Variants in PHLPP1 observed in about 807,000 individuals in gnomAD.
The protein encoded by PHLPP1 is PH domain leucine-rich repeat-containing protein phosphatase 1.
Under a neutral mutation model 117.2 loss-of-function variants are expected in PHLPP1, and 42 were observed. That is an observed-to-expected ratio of 0.36 (90% confidence interval 0.28 to 0.46). The LOEUF (loss-of-function observed/expected upper bound fraction) is 0.46, where lower values mean the gene tolerates loss of function less well. PHLPP1 is among the 20% of genes least tolerant of loss of function. The pLI, the probability that PHLPP1 is intolerant of heterozygous loss-of-function variation, is 1.00. For synonymous variants in PHLPP1, 1,042 were observed against 970.7 expected (o/e 1.07, Z -1.37); for missense variants, 2,084 against 2,241.9 (o/e 0.93, Z 1.42).
intron 1 of PHLPP1, among the ~76,000 whole-genome samples, chr18:62,729,395 T>C (rs1203794609): frequency 6.6e-6 from 1 of 152,138 alleles, no homozygotes; most frequent in African/African-American, 2.4e-5. Context: ...CCGGACCCAT[T>C]GCTGTAAAAT....
At chr18:62,821,756 CTT>C (rs1341176509) in intron 1 of PHLPP1, among the ~76,000 whole-genome samples, 10 of 141,462 alleles carry the variant, frequency 7.1e-5, no homozygotes, top group Non-Finnish European at 9.3e-5. Flanking sequence ...AATGTATGTT[CTT>C]TTTTTTTTTT....
chr18:62,750,438 T>C (rs1911810843), intron 1 of PHLPP1, among the ~76,000 whole-genome samples: 1 of 152,196 alleles, frequency 6.6e-6, no homozygotes. Context: ...ATCAGACTTG[T>C]TGCTCTGTGA....
chr18:62,776,982 A>G (rs1044541174), intron 1 of PHLPP1, among the ~76,000 whole-genome samples: 1 of 152,118 alleles, frequency 6.6e-6, no homozygotes, highest in African/African-American at 2.4e-5. Context: ...CACTTGGGCT[A>G]TTTCTAGTTT....
intron 1 of PHLPP1, among the ~76,000 whole-genome samples, chr18:62,784,224 G>T (rs561708092): frequency 1.3e-5 from 2 of 152,310 alleles, no homozygotes; most frequent in East Asian, 3.9e-4. Context: ...CAAATAGAGG[G>T]ATTACTTTGA....
chr18:62,931,814 G>C (rs77531462), intron 10 of PHLPP1, among the ~76,000 whole-genome samples: 1 of 143,606 alleles, frequency 7.0e-6, no homozygotes. Flanking sequence ...AGAACTGCTT[G>C]AATCCGGGAG....
Position 62,766,254 on chromosome 18 carries a change from A to T in PHLPP1, c.1576+48995A>T, listed in dbSNP as rs184485159. ...TCAGCCTGGCTTTGGGGGCAACTTG[A>T]GGTTCCTTGGTGCTGCATTTTGGGG... On this transcript the variant is annotated intron_variant, in intron 1 of 16. Coordinates refer to ENST00000262719, the MANE Select transcript of PHLPP1 (RefSeq NM_194449.4). Among the ~76,000 whole-genome samples the T allele has an allele frequency of 2.0e-5, 3 of 149,854 alleles. No individual in the cohort carries two copies. The East Asian group carries it at 5.9e-4, about 30-fold the overall frequency.
chr18:62,859,188 A>C (rs1696761666), intron 3 of PHLPP1, among the ~76,000 whole-genome samples: 1 of 152,242 alleles, frequency 6.6e-6, no homozygotes, highest in Non-Finnish European at 1.5e-5. Flanking sequence ...AATTAACCAA[A>C]GTTTTAGAAC....
intron 6 of PHLPP1, 79 bp from the exon 7 acceptor site, chr18:62,902,885 G>A (rs753746845): frequency 1.2e-5 from 10 of 844,086 alleles, no homozygotes; most frequent in Middle Eastern, 2.2e-4. Context: ...GTTCTTTCTC[G>A]CTATTTCTCA....
intron 1 of PHLPP1, among the ~76,000 whole-genome samples, chr18:62,815,032 A>T (rs931457385): frequency 6.6e-6 from 1 of 152,176 alleles, no homozygotes; most frequent in Non-Finnish European, 1.5e-5. Flanking sequence ...TCAGGAATGC[A>T]GGAGTTTCAG....
chr18:62,785,432 A>G (rs1305914044), intron 1 of PHLPP1, among the ~76,000 whole-genome samples: 3 of 152,160 alleles, frequency 2.0e-5, no homozygotes, highest in Admixed American at 2.0e-4. Context: ...TGAAATAGAG[A>G]AATAAGGCTG....
intron 2 of PHLPP1, among the ~76,000 whole-genome samples, chr18:62,834,244 G>A (rs7229739): frequency 4.7e-4 from 71 of 152,046 alleles, no homozygotes; most frequent in African/African-American, 1.6e-3. Context: ...ATGTTTGGAT[G>A]CAGAAGTGAC....
At position 62,873,057 on chromosome 18, in the gene PHLPP1, G is replaced by A. The variant is rs183376966; in HGVS notation, c.2066+12456G>A. Among the ~76,000 whole-genome samples the A allele has an allele frequency of 3.3e-4, 50 of 151,462 alleles. 1 individual carries two copies. The East Asian group carries it at 9.5e-3, about 29-fold the overall frequency. On this transcript the variant is annotated intron_variant, in intron 4 of 16. Transcript: ENST00000262719. ...TTTTTACACCTGCTGTTTTTCAAGTGCGTTTGGCCCAGTATAATCCTTATG... is the reference window on the plus strand; with the variant it reads ...TTTTTACACCTGCTGTTTTTCAAGTACGTTTGGCCCAGTATAATCCTTATG...
intron 1 of PHLPP1, among the ~76,000 whole-genome samples, chr18:62,795,511 A>AAAC (rs1568119824): frequency 7.9e-5 from 12 of 151,368 alleles, no homozygotes; most frequent in South Asian, 2.1e-4. Context: ...AAAAAAAAAA[A>AAAC]AACAACAACA....
intron 4 of PHLPP1, among the ~76,000 whole-genome samples, chr18:62,893,990 T>C (rs1916489844): frequency 6.6e-6 from 1 of 152,058 alleles, no homozygotes; most frequent in Admixed American, 6.6e-5. Context: ...ATTGCTCACA[T>C]AGGAGTCAAA....
At chr18:62,860,636 G>T (rs1274781845) in intron 4 of PHLPP1, 35 bp downstream of exon 4, 1 of 1,555,766 alleles carries the variant, frequency 6.4e-7, no homozygotes, top group South Asian at 1.2e-5. Context: ...CATTAGGAAG[G>T]GGTGGGGGCA....
At chr18:62,866,430 A>G (rs900588128) in intron 4 of PHLPP1, among the ~76,000 whole-genome samples, 31 of 152,104 alleles carry the variant, frequency 2.0e-4, no homozygotes, top group African/African-American at 7.0e-4. Flanking sequence ...GTTTTAGTAG[A>G]GACGGGGTTT....
chr18:62,875,355 T>A (rs1443019424), intron 4 of PHLPP1, among the ~76,000 whole-genome samples: 1 of 152,246 alleles, frequency 6.6e-6, no homozygotes, highest in East Asian at 1.9e-4. Flanking sequence ...CTCCTTTGGA[T>A]ATTGAATTTT....
intron 12 of PHLPP1, among the ~76,000 whole-genome samples, chr18:62,951,218 T>C (rs1320485590): frequency 6.6e-6 from 1 of 152,142 alleles, no homozygotes; most frequent in African/African-American, 2.4e-5. Flanking sequence ...CCTGACCTCG[T>C]GATCCGCCCG....
Position 62,945,178 on chromosome 18 carries a change from A to G in PHLPP1, c.3231A>G (p.Thr1077=). ...LSGNKLKAIP[T]TIMNCRRMHT... The stretch of plus-strand genomic sequence containing the variant: ...GGAATAAGCTGAAAGCCATCCCAAC[A>G]ACGATCATGAATTGCAGGCGCATGC... The change falls in exon 12 of 17, where the codon ACA becomes ACG. Residue 1077 remains threonine, a synonymous_variant. Transcript: ENST00000262719. 1 of 1,613,296 alleles carries G rather than the reference A, an allele frequency of 6.2e-7. No homozygotes were observed. The highest frequency in any genetic ancestry group is 1.7e-4 in the Middle Eastern group (1 of 6,058).
Sources: gnomAD v4.1 joint callset for allele counts (sites outside exome capture counted in the v4.1 genomes callset) on GRCh38, gnomAD v4.1.1 for gene constraint, MANE v1.5 for transcripts, NCBI Gene and HGNC (gene_info 2026-07-23, HGNC 2026-07-21) for gene names.